AKTIP: variants seen among roughly 807,000 people sequenced by gnomAD.
The protein encoded by AKTIP is AKT interacting protein, also known as AKT-interacting protein.
Under a neutral mutation model 39.1 loss-of-function variants are expected in AKTIP, and 16 were observed. The ratio of observed to expected loss-of-function variants is 0.41; its 90% CI spans 0.28 to 0.62. The LOEUF (loss-of-function observed/expected upper bound fraction) is 0.62. Among genes scored for constraint, AKTIP ranks in the 20% least tolerant of loss-of-function variants. The probability of loss-of-function intolerance (pLI) is 0.32; values close to 1 mark genes in which losing one functional copy is unlikely to be tolerated. For missense variants in AKTIP, 262 were observed against 356.6 expected (o/e 0.73, Z 2.14); for synonymous variants, 93 against 124.3 (o/e 0.75, Z 1.67).
intron 3 of AKTIP, 112 bp downstream of exon 3, chr16:53,498,278 GT>G: frequency 9.0e-7 from 1 of 1,105,346 alleles, no homozygotes; most frequent in African/African-American, 1.6e-5. Flanking sequence ...AAAGGGACAG[GT>G]TTGAGCTTTG....
intron 8 of AKTIP, chr16:53,493,759 C>G (rs898624309): frequency 4.7e-6 from 1 of 212,482 alleles, no homozygotes; most frequent in Non-Finnish European, 9.6e-6. Flanking sequence ...CCACCATTCT[C>G]ACACTATTCA....
At chr16:53,503,486 G>C (rs1034299544), upstream of AKTIP, among the ~76,000 whole-genome samples, 2 of 152,210 alleles carry the variant, frequency 1.3e-5, no homozygotes, top group Non-Finnish European at 1.5e-5. Context: ...CAGCGCCTGG[G>C]ACGGCCTGTC....
chr16:53,499,609 G>A lies in AKTIP; in HGVS notation c.42+609C>T, dbSNP rs1271694452. Among the ~76,000 whole-genome samples, 9 of 151,982 alleles carry A rather than the reference G, an allele frequency of 5.9e-5. 1 individual carries two copies. The South Asian group carries it at 1.0e-3, about 18-fold the overall frequency. On this transcript the variant is annotated intron_variant, in intron 2 of 9. Transcript: ENST00000394657. The stretch of plus-strand genomic sequence containing the variant: ...TGAGAAGCTGGGACAACAGGCGCCC[G>A]CCACCATGCCCAGCTAATTTTTTTG...
intron 1 of AKTIP, chr16:53,502,882 G>GC (rs992232487): frequency 1.3e-5 from 2 of 151,912 alleles, no homozygotes; most frequent in Admixed American, 6.6e-5. Context: ...AGCCAGCTGG[G>GC]CCCCCCTCTC....
chr16:53,503,633 C>T (rs551024250), upstream of AKTIP, among the ~76,000 whole-genome samples: 234 of 152,328 alleles, frequency 1.5e-3, no homozygotes, highest in African/African-American at 5.4e-3. Context: ...AGCGCAACCG[C>T]CATGCGCAGG....
intron 1 of AKTIP, among the ~76,000 whole-genome samples, 190 bp from the exon 2 acceptor site, chr16:53,500,519 A>C (rs1296470748): frequency 1.3e-5 from 2 of 152,006 alleles, no homozygotes; most frequent in Non-Finnish European, 2.9e-5. Context: ...CTGGGATTAC[A>C]GGTGCCTGCC....
At chr16:53,500,162 A>G (rs1049720659) in intron 2 of AKTIP, 56 bp downstream of exon 2, 3 of 1,384,654 alleles carry the variant, frequency 2.2e-6, no homozygotes, top group African/African-American at 1.4e-5. Flanking sequence ...TTCTGACCCT[A>G]TTTTCAGACA....
At chr16:53,493,054 G>A (rs902433728) in intron 8 of AKTIP, 7 of 291,760 alleles carry the variant, frequency 2.4e-5, no homozygotes, top group East Asian at 7.4e-5. Context: ...CAAAAGCCAC[G>A]TAGTCCATCT....
chr16:53,499,192 C>T (rs1181789532), intron 2 of AKTIP, among the ~76,000 whole-genome samples: 2 of 152,234 alleles, frequency 1.3e-5, no homozygotes, highest in Non-Finnish European at 2.9e-5. Context: ...GAGTCAGAGA[C>T]TAAACTACCA....
rs1016689254 is a variant in AKTIP, at chr16:53,491,428, C to G, written c.*984G>C. 2 of 152,242 alleles carry G rather than the reference C, an allele frequency of 1.3e-5. No individual in the cohort carries two copies. Among genetic ancestry groups the G allele is most frequent in the Admixed American group, 6.5e-5 (1 of 15,268 alleles). 9.4% of individuals were successfully genotyped at this position (152,242 alleles called of 1,614,324 possible). On this transcript the variant is annotated 3_prime_UTR_variant, in exon 10 of 10. Coordinates refer to ENST00000394657, the MANE Select transcript of AKTIP (RefSeq NM_022476.4). ...TAATCACTATTGTTCCAGCAGTTTT[C>G]AAGTCAAATTAATAATCTTATTAGG...
chr16:53,503,508 T>C (rs1244823168), upstream of AKTIP, among the ~76,000 whole-genome samples: 4 of 152,142 alleles, frequency 2.6e-5, no homozygotes, highest in African/African-American at 9.7e-5. Flanking sequence ...GTCATGGAAG[T>C]ATCGGCCCCC....
At chr16:53,494,653 C>T (rs762356281) in intron 5 of AKTIP, 48 bp from the exon 6 acceptor site, 3 of 1,543,736 alleles carry the variant, frequency 1.9e-6, no homozygotes, top group Non-Finnish European at 2.7e-6. Context: ...AGCAGTGGCG[C>T]TTATGAGACC....
chr16:53,502,466 G>A (rs1283802696), intron 1 of AKTIP, among the ~76,000 whole-genome samples: 1 of 152,204 alleles, frequency 6.6e-6, no homozygotes, highest in Non-Finnish European at 1.5e-5. Flanking sequence ...GCTAAAACTA[G>A]GCTAAAACAT....
intron 3 of AKTIP, 63 bp from the exon 4 acceptor site, chr16:53,495,389 C>A: frequency 6.7e-7 from 1 of 1,500,124 alleles, no homozygotes; most frequent in Non-Finnish European, 9.2e-7. Flanking sequence ...ATCAAACCAC[C>A]CCACATTCAC....
intron 3 of AKTIP, 26 bp from the exon 4 acceptor site, chr16:53,495,352 T>G: frequency 6.2e-7 from 1 of 1,611,738 alleles, no homozygotes; most frequent in South Asian, 1.1e-5. Context: ...AATAATTAAC[T>G]TGTGTGGATA....
chr16:53,500,307 T>C lies in AKTIP; in HGVS notation c.-48A>G, dbSNP rs1431559841. On this transcript the variant is annotated 5_prime_UTR_variant, in exon 2 of 10. Coordinates refer to ENST00000394657, the MANE Select transcript of AKTIP (RefSeq NM_022476.4). ...AGTCAGTGGTGTATCATCCAAATCT[T>C]CTGTCTTCGGCATTCACTTTACCTT... is the stretch of plus-strand genomic sequence containing the variant. 6.2e-7 allele frequency: 1 copy of C among 1,602,990 alleles called. No homozygotes were observed. Among genetic ancestry groups the C allele is most frequent in the East Asian group, 2.3e-5 (1 of 44,396 alleles).
At chr16:53,493,869 G>T (rs9302648) in intron 8 of AKTIP, 205,507 of 429,328 alleles carry the variant, frequency 0.48, 53,977 homozygotes, top group African/African-American at 0.78. Flanking sequence ...TCCTGACATG[G>T]GAATGAATAA....
chr16:53,503,184 G>A lies in AKTIP; in HGVS notation c.-108C>T, dbSNP rs1567763703. ...AATGCAGAGCTCCTGGCTGCCAAGC[G>A]CCGCCGCGGCCCGACAGCATCTCCC... is the stretch of plus-strand genomic sequence containing the variant. On this transcript the variant is annotated 5_prime_UTR_variant, in exon 1 of 10. Transcript: ENST00000394657. 2 of 154,610 alleles carry A rather than the reference G, an allele frequency of 1.3e-5. No individual in the cohort carries two copies. The highest frequency in any genetic ancestry group is 2.9e-5 in the Non-Finnish European group (2 of 70,108). The allele number at this position is 154,610 out of a possible 1,614,324, so 9.6% of individuals were successfully genotyped here.
At chr16:53,503,615 C>T (rs1055592294), upstream of AKTIP, among the ~76,000 whole-genome samples, 3 of 152,230 alleles carry the variant, frequency 2.0e-5, no homozygotes, top group African/African-American at 7.2e-5. Context: ...TTTATTCGCA[C>T]AGCCCACAGC....
Sources: gnomAD v4.1 joint callset for allele counts (sites outside exome capture counted in the v4.1 genomes callset) on GRCh38, gnomAD v4.1.1 for gene constraint, MANE v1.5 for transcripts, NCBI Gene and HGNC (gene_info 2026-07-23, HGNC 2026-07-21) for gene names.